Variants in NDRG2 observed in about 807,000 individuals in gnomAD.
NDRG2 encodes the protein NDRG family member 2.
NDRG2 carries 34 observed loss-of-function variants against 58.2 expected under a neutral mutation model. That is an observed-to-expected ratio of 0.58 (90% CI 0.44 to 0.78). NDRG2 has a LOEUF of 0.78. Among genes scored for constraint, NDRG2 ranks in the 30% least tolerant of loss-of-function variants. The probability of loss-of-function intolerance (pLI) is 0.00; values close to 1 mark genes in which losing one functional copy is unlikely to be tolerated. For missense variants in NDRG2, 434 were observed against 471.2 expected (o/e 0.92, Z 0.73); for synonymous variants, 187 against 175.9 (o/e 1.06, Z -0.50).
In NDRG2 at chr14:21,018,165, A is replaced by G. The variant is rs374503542; in HGVS notation, c.897+39T>C. The G allele has an allele frequency of 8.7e-5, 140 of 1,612,070 alleles. No homozygotes were observed. In the African/African-American group the frequency reaches 1.6e-3, roughly 18 times the overall value. On this transcript the variant is annotated intron_variant, in intron 14 of 15. Transcript: ENST00000556147. The stretch of plus-strand genomic sequence containing the variant: ...CAGAGCCCAGTGCCACCGGTATCCT[A>G]TGTCCCTTCCCCATCCCATGGACGG...
chr14:21,033,808 G>T (rs2139089603), intron 1 of NDRG2: 1 of 1,547,260 alleles, frequency 6.5e-7, no homozygotes, highest in East Asian at 2.2e-5. Context: ...GTTGGGGAGT[G>T]GCTCAGGAAT....
intron 1 of NDRG2, among the ~76,000 whole-genome samples, chr14:21,063,557 A>G (rs981929769): frequency 6.6e-6 from 1 of 152,182 alleles, no homozygotes; most frequent in African/African-American, 2.4e-5. Flanking sequence ...ATGTCAAGGA[A>G]CTAGAGACAA....
chr14:21,026,304 C>CT (rs1594465343), upstream of NDRG2, among the ~76,000 whole-genome samples: 1 of 151,360 alleles, frequency 6.6e-6, no homozygotes, highest in Admixed American at 6.6e-5. Context: ...CCACCTGCCC[C>CT]CCTTGTAGCT....
intron 1 of NDRG2, among the ~76,000 whole-genome samples, chr14:21,047,962 C>T (rs147543967): frequency 3.9e-5 from 6 of 152,280 alleles, no homozygotes; most frequent in African/African-American, 1.2e-4. Flanking sequence ...CCTCTGCCTA[C>T]ACCCTGCCCT....
At chr14:21,058,221 T>G (rs1885771280) in intron 1 of NDRG2, 1 of 1,613,876 alleles carries the variant, frequency 6.2e-7, no homozygotes, top group Admixed American at 1.7e-5. Context: ...ATGGGTGAGC[T>G]CACCTCAGGG....
At chr14:21,052,262 C>T (rs10132297) in intron 1 of NDRG2, among the ~76,000 whole-genome samples, 111,713 of 152,188 alleles carry the variant, frequency 0.73, 41,376 homozygotes, top group Admixed American at 0.81. Flanking sequence ...GGACCTGATT[C>T]CTGTCCCACG....
intron 11 of NDRG2, 73 bp from the exon 12 acceptor site, chr14:21,018,887 G>A (rs1878461374): frequency 6.4e-7 from 1 of 1,573,642 alleles, no homozygotes; most frequent in East Asian, 2.2e-5. Context: ...TAGGAGTGCA[G>A]CTGGAAAAAT....
At chr14:21,025,066 T>A (rs1367849694), upstream of NDRG2, 36 of 986,000 alleles carry the variant, frequency 3.7e-5, no homozygotes, top group South Asian at 1.6e-3. The surrounding 1 kb of genome is among the most constrained non-coding windows in gnomAD (Gnocchi z 5.1). Flanking sequence ...TCACTTGCCT[T>A]TGACTCGGGC....
chr14:21,050,133 C>A (rs1232765968), intron 1 of NDRG2, among the ~76,000 whole-genome samples: 4 of 152,152 alleles, frequency 2.6e-5, no homozygotes, highest in Non-Finnish European at 2.9e-5. Context: ...AATGGGCAGA[C>A]CCCCGGATTT....
chr14:21,036,637 T>A (rs1335893637), intron 1 of NDRG2, among the ~76,000 whole-genome samples: 1 of 152,112 alleles, frequency 6.6e-6, no homozygotes, highest in African/African-American at 2.4e-5. Flanking sequence ...TGCATCTGCA[T>A]CCCTGCCTGC....
At position 21,043,563 on chromosome 14, in the gene NDRG2, G is replaced by C. The variant is rs866540772; in HGVS notation, c.25-20242C>G. 11 of 838,658 alleles carry C rather than the reference G, an allele frequency of 1.3e-5. 1 individual carries two copies. In the Middle Eastern group the frequency reaches 1.6e-3, roughly 125 times the overall value. 52.0% of individuals were successfully genotyped at this position (838,658 alleles called of 1,614,324 possible). On this transcript the variant is annotated intron_variant, in intron 1 of 14. Coordinates refer to the NDRG2 transcript ENST00000403829. ...GAGCATTCTCTTCCCCTCATCTCTT[G>C]GGGCTGTTCCTGGTTCAGCCTCTGC... is the stretch of plus-strand genomic sequence containing the variant.
chr14:21,057,296 C>T (rs1885716400), intron 1 of NDRG2, among the ~76,000 whole-genome samples: 5 of 151,960 alleles, frequency 3.3e-5, no homozygotes, highest in Admixed American at 1.3e-4. Context: ...ATTAGCTAGG[C>T]GTGGTGGTGC....
upstream of NDRG2, among the ~76,000 whole-genome samples, chr14:21,027,828 G>T (rs1237988409): frequency 6.6e-6 from 1 of 152,194 alleles, no homozygotes; most frequent in African/African-American, 2.4e-5. Context: ...TTTGTTCCTA[G>T]GATGAACCAC....
chr14:21,046,562 CATACATACATACATACATACA>C (rs1885167608), intron 1 of NDRG2, among the ~76,000 whole-genome samples: 1 of 151,756 alleles, frequency 6.6e-6, no homozygotes, highest in African/African-American at 2.4e-5. Flanking sequence ...TACATACATA[CATACATACATACATACATACA>C]TACATACATA....
At chr14:21,069,069 G>A (rs1397719352) in intron 1 of NDRG2, among the ~76,000 whole-genome samples, 4 of 152,212 alleles carry the variant, frequency 2.6e-5, no homozygotes, top group African/African-American at 7.2e-5. Flanking sequence ...GGGACTATTC[G>A]GCTTTCCGAT....
chr14:21,058,112 C>A (rs773888272), intron 1 of NDRG2: 4 of 1,614,058 alleles, frequency 2.5e-6, no homozygotes, highest in Non-Finnish European at 3.4e-6. Context: ...CCTGCACGAG[C>A]CCTTCTCCAG....
rs1877763739 is a variant in NDRG2, at chr14:21,018,013, T to C, written c.923A>G (p.Lys308Arg). Residue 308 changes from lysine (K) to arginine (R), a missense_variant, in exon 15 of 16, where the codon AAG (lysine) becomes AGG (arginine). Lys to Arg is a conservative substitution (Grantham distance 26). Coordinates refer to ENST00000556147, the MANE Select transcript of NDRG2 (RefSeq NM_001320329.2). ...GTAGCCCATGCCTTGCAGGAAGTAC[T>C]TGAAGGCCTCGGTCAGCTTGCCTGG... ...TQPGKLTEAF[K>R]YFLQGMGYMA... is the part of the protein sequence containing the mutation. 2 of 1,614,174 alleles carry C rather than the reference T, an allele frequency of 1.2e-6. No homozygotes were observed. The highest frequency in any genetic ancestry group is 1.7e-6 in the Non-Finnish European group (2 of 1,180,024).
chr14:21,063,355 A>G (rs1449015096), intron 1 of NDRG2, among the ~76,000 whole-genome samples: 1 of 152,216 alleles, frequency 6.6e-6, no homozygotes, highest in African/African-American at 2.4e-5. Flanking sequence ...TCCTCATCTG[A>G]AGTGCAAATA....
rs74036551 is a variant in NDRG2 at position 21,018,105 on chromosome 14, C to T, written c.898-67G>A. Reference sequence around the variant, plus strand: ...TTAGAGGAAGAGCTGGAGCCTGAGGCTGCGGCACTGTGGGGCCGGGTGTGT... The same window carrying T: ...TTAGAGGAAGAGCTGGAGCCTGAGGTTGCGGCACTGTGGGGCCGGGTGTGT... On this transcript the variant is annotated intron_variant, in intron 14 of 15. Coordinates refer to ENST00000556147, the MANE Select transcript of NDRG2 (RefSeq NM_001320329.2). 6.7e-4 allele frequency: 1,078 copies of T among 1,600,804 alleles called. 6 individuals carry two copies. In the African/African-American group the frequency reaches 0.013, roughly 20 times the overall value.
Sources: gnomAD v4.1 joint callset for allele counts (sites outside exome capture counted in the v4.1 genomes callset) on GRCh38, gnomAD v4.1.1 for gene constraint, Gnocchi (gnomAD v3.1) non-coding constraint, MANE v1.5 for transcripts, NCBI Gene and HGNC (gene_info 2026-07-23, HGNC 2026-07-21) for gene names.